KREMEN1: variants seen among roughly 807,000 people sequenced by gnomAD.
KREMEN1 encodes the protein kremen protein 1.
In KREMEN1, 30 loss-of-function variants were observed where a neutral mutation model predicts 46.5. The ratio of observed to expected loss-of-function variants is 0.65; its 90% CI spans 0.48 to 0.88. KREMEN1 has a LOEUF of 0.88. Among genes scored for constraint, KREMEN1 ranks in the 40% least tolerant of loss-of-function variants. KREMEN1 has a pLI of 0.00. For missense variants in KREMEN1, 533 were observed against 596.9 expected, an observed-to-expected ratio of 0.89 and a Z score of 1.11; for synonymous variants, 214 against 230.6, an observed-to-expected ratio of 0.93 and a Z score of 0.65.
Position 29,140,408 on chromosome 22 carries a change from G to A in KREMEN1, c.1208+42G>A, listed in dbSNP as rs774899249. On this transcript the variant is annotated intron_variant, in intron 8 of 8. Coordinates refer to ENST00000400335, the MANE Select transcript of KREMEN1 (RefSeq NM_001039570.3). The stretch of plus-strand genomic sequence containing the variant: ...GCTGCCCAATTCCAGGAAAGGGAAG[G>A]CTCAGAGTTCATTTTCTATGATGCT... The A allele has an allele frequency of 5.7e-6, 8 of 1,405,278 alleles. No homozygotes were observed. In the East Asian group the frequency reaches 1.4e-4, roughly 24 times the overall value. The allele number at this position is 1,405,278 out of a possible 1,614,324, so 87.1% of individuals were successfully genotyped here.
intron 3 of KREMEN1, among the ~76,000 whole-genome samples, chr22:29,103,955 C>T (rs1179315440): frequency 6.6e-6 from 1 of 151,950 alleles, no homozygotes; most frequent in East Asian, 1.9e-4. Context: ...ATAGATGAAA[C>T]AAGAATGGTT....
intron 2 of KREMEN1, 69 bp downstream of exon 2, chr22:29,094,489 A>C: frequency 7.1e-7 from 1 of 1,405,116 alleles, no homozygotes; most frequent in Non-Finnish European, 9.7e-7. Flanking sequence ...AACCCCTTTC[A>C]TCCCAGCTCA....
Position 29,104,787 on chromosome 22 carries a change from G to A in KREMEN1, c.352+5834G>A, listed in dbSNP as rs568369333. Among the ~76,000 whole-genome samples the A allele has an allele frequency of 1.1e-4, 16 of 152,230 alleles. No individual in the cohort carries two copies. The South Asian group carries it at 2.9e-3, about 28-fold the overall frequency. ...TGCACATCTGTAGTCCCACCTATTC[G>A]GGAGGCTGAGGTAGGAGAATCACTT... On this transcript the variant is annotated intron_variant, in intron 3 of 8. Transcript: ENST00000400335.
intron 4 of KREMEN1, 90 bp downstream of exon 4, chr22:29,121,571 A>G: frequency 7.0e-7 from 1 of 1,424,032 alleles, no homozygotes; most frequent in Non-Finnish European, 9.8e-7. Flanking sequence ...GCTAAGTAAA[A>G]TAAGCCAGAC....
chr22:29,119,584 G>C (rs546984177), intron 3 of KREMEN1, among the ~76,000 whole-genome samples: 1 of 152,144 alleles, frequency 6.6e-6, no homozygotes, highest in African/African-American at 2.4e-5. Context: ...GAAAATTCCC[G>C]GAGAGTTGCT....
chr22:29,144,715 C>T lies in KREMEN1; in HGVS notation c.*2603C>T, dbSNP rs545465916. The stretch of plus-strand genomic sequence containing the variant: ...CACGTGGCCCCAGGAAGAGTTCACC[C>T]GGCCAGGGGGCAGTTGTTCAGTTGC... On this transcript the variant is annotated 3_prime_UTR_variant, in exon 9 of 9. Transcript: ENST00000400335. 201 of 985,512 alleles carry T rather than the reference C, an allele frequency of 2.0e-4. No homozygotes were observed. The African/African-American group carries it at 2.8e-3, about 14-fold the overall frequency. 61.0% of individuals were successfully genotyped at this position (985,512 alleles called of 1,614,324 possible). A position where few individuals can be genotyped will look rare whatever the true frequency, so the allele number is the denominator to read the frequency against.
chr22:29,134,343 G>A (rs143083258), intron 5 of KREMEN1, among the ~76,000 whole-genome samples: 1 of 152,012 alleles, frequency 6.6e-6, no homozygotes, highest in Non-Finnish European at 1.5e-5. Flanking sequence ...TTTTTGTAGA[G>A]ATGGGGTCTC....
At chr22:29,092,694 G>A (rs796223156) in intron 1 of KREMEN1, among the ~76,000 whole-genome samples, 4 of 152,334 alleles carry the variant, frequency 2.6e-5, no homozygotes, top group African/African-American at 9.6e-5. Context: ...TGTTAGGGTT[G>A]GTGGGGTGTG....
chr22:29,143,957 T>C lies in KREMEN1; in HGVS notation c.*1845T>C, dbSNP rs2038812820. The C allele has an allele frequency of 1.0e-6, 1 of 985,388 alleles. No homozygotes were observed. Among genetic ancestry groups the C allele is most frequent in the South Asian group, 4.7e-5 (1 of 21,280 alleles). 61.0% of individuals were successfully genotyped at this position (985,388 alleles called of 1,614,324 possible). On this transcript the variant is annotated 3_prime_UTR_variant, in exon 9 of 9. Transcript: ENST00000400335. ...TCCTCCAAGGAGCTCCTCCTAAGAT[T>C]GAGTGCTGCAGCTGTAGTGGCTGCT...
chr22:29,163,201 A>AT (rs1320280693), intron 9 of KREMEN1, among the ~76,000 whole-genome samples: 3 of 151,900 alleles, frequency 2.0e-5, no homozygotes, highest in Non-Finnish European at 4.4e-5. Context: ...TAAAAGTGGA[A>AT]TTTTTTCCTG....
chr22:29,158,903 C>G (rs903512008), intron 9 of KREMEN1, among the ~76,000 whole-genome samples: 8 of 152,166 alleles, frequency 5.3e-5, no homozygotes, highest in Non-Finnish European at 2.9e-5. Flanking sequence ...GCTGCAACCT[C>G]CGCCTCCTGG....
chr22:29,080,808 T>C (rs1048774998), intron 1 of KREMEN1, among the ~76,000 whole-genome samples: 8 of 152,076 alleles, frequency 5.3e-5, no homozygotes, highest in African/African-American at 1.9e-4. Flanking sequence ...ATCTAGCCGG[T>C]AGAGGCCAGG....
At chr22:29,160,539 C>CAAAAAAAAAAAAAAAAAAAAA (rs132303) in intron 9 of KREMEN1, among the ~76,000 whole-genome samples, 1 of 103,508 alleles carries the variant, frequency 9.7e-6, no homozygotes, top group African/African-American at 3.6e-5. Flanking sequence ...GACTCCGTCT[C>CAAAAAAAAAAAAAAAAAAAAA]AAAAAAAAAA....
Position 29,073,912 on chromosome 22 carries a change from AT to A in KREMEN1, c.97+686del, listed in dbSNP as rs2037520616. Among the ~76,000 whole-genome samples the A allele has an allele frequency of 6.6e-6, 1 of 151,842 alleles. No homozygotes were observed. Among genetic ancestry groups the A allele is most frequent in the South Asian group, 2.1e-4 (1 of 4,810 alleles). On this transcript the variant is annotated intron_variant, in intron 1 of 8. Coordinates refer to ENST00000400335, the MANE Select transcript of KREMEN1 (RefSeq NM_001039570.3). The surrounding 1 kb of genome is among the most constrained non-coding windows in gnomAD (Gnocchi z 4.4). ...GACGACTCCCCCGCTACAAGAGGCT[AT>A]ACGCCCCTCTCCGAGACCTCCAGCG...
intron 5 of KREMEN1, among the ~76,000 whole-genome samples, chr22:29,132,116 C>T (rs113095569): frequency 0.01 from 1,545 of 152,176 alleles, 35 homozygotes; most frequent in African/African-American, 0.036. Context: ...AGGTGATCCA[C>T]CCGCCTTTTC....
At chr22:29,105,619 T>G (rs2038048317) in intron 3 of KREMEN1, among the ~76,000 whole-genome samples, 1 of 152,096 alleles carries the variant, frequency 6.6e-6, no homozygotes. Context: ...TGTCAGGTCT[T>G]ATGGTCTGGG....
intron 5 of KREMEN1, 94 bp from the exon 6 acceptor site, chr22:29,137,248 C>G (rs2038674959): frequency 2.4e-6 from 2 of 843,674 alleles, no homozygotes; most frequent in Non-Finnish European, 3.5e-6. Context: ...AAATGGGATC[C>G]TGCTCGTTAG....
intron 1 of KREMEN1, among the ~76,000 whole-genome samples, chr22:29,091,137 C>G (rs2037798458): frequency 6.6e-6 from 1 of 152,170 alleles, no homozygotes; most frequent in East Asian, 1.9e-4. Context: ...CCACCCCCGG[C>G]TAATTTTGTA....
intron 6 of KREMEN1, 71 bp downstream of exon 6, chr22:29,137,745 T>C: frequency 2.4e-6 from 3 of 1,274,910 alleles, no homozygotes; most frequent in Non-Finnish European, 3.2e-6. Context: ...TTCACCCTTG[T>C]GACTTGGGCA....
Sources: gnomAD v4.1 joint callset for allele counts (sites outside exome capture counted in the v4.1 genomes callset) on GRCh38, gnomAD v4.1.1 for gene constraint, Gnocchi (gnomAD v3.1) non-coding constraint, MANE v1.5 for transcripts, NCBI Gene and HGNC (gene_info 2026-07-23, HGNC 2026-07-21) for gene names.